Variants in EOGT observed in about 807,000 individuals in gnomAD.
EOGT encodes EGF domain-specific O-linked N-acetylglucosamine transferase.
A neutral mutation model predicts 70.5 loss-of-function variants in EOGT; 55 were observed. The observed-to-expected ratio is 0.78, with a 90% CI of 0.63 to 0.98. The LOEUF (loss-of-function observed/expected upper bound fraction) is 0.98, where lower values mean the gene tolerates loss of function less well. Ranked by LOEUF, EOGT falls within the 50% of genes least tolerant of loss-of-function variation. EOGT has a pLI of 0.00. For missense variants in EOGT, 703 were observed against 641.9 expected (o/e 1.10, Z -1.03); for synonymous variants, 246 against 217.1 (o/e 1.13, Z -1.17).
chr3:69,001,372 T>C (rs1253830221), intron 9 of EOGT, among the ~76,000 whole-genome samples: 2 of 152,216 alleles, frequency 1.3e-5, no homozygotes, highest in Non-Finnish European at 2.9e-5. Flanking sequence ...CTCTCGTCCT[T>C]TGATTTTGGT....
chr3:68,991,342 A>G (rs1444388987), intron 10 of EOGT, among the ~76,000 whole-genome samples: 1 of 152,214 alleles, frequency 6.6e-6, no homozygotes, highest in African/African-American at 2.4e-5. Flanking sequence ...TAGAAATTCC[A>G]ATTATAGGAA....
chr3:69,010,932 G>A (rs899220769), intron 3 of EOGT, among the ~76,000 whole-genome samples: 2 of 152,218 alleles, frequency 1.3e-5, no homozygotes, highest in African/African-American at 4.8e-5. Flanking sequence ...TTGCCCTTGT[G>A]AAGCTTACAT....
intron 9 of EOGT, among the ~76,000 whole-genome samples, chr3:69,000,951 C>A (rs944077328): frequency 6.6e-6 from 1 of 151,146 alleles, no homozygotes; most frequent in Non-Finnish European, 1.5e-5. Flanking sequence ...ATACACATGG[C>A]TTTTGATTTT....
intron 9 of EOGT, 135 bp downstream of exon 9, chr3:69,001,473 G>T: frequency 1.7e-6 from 1 of 578,932 alleles, no homozygotes; most frequent in Non-Finnish European, 3.0e-6. Context: ...TACTTCTTCA[G>T]AGAAGAAAGC....
chr3:68,978,290 C>A, intron 17 of EOGT, 43 bp downstream of exon 17: 1 of 1,423,818 alleles, frequency 7.0e-7, no homozygotes, highest in South Asian at 1.2e-5. Flanking sequence ...TACTTTAAAC[C>A]AATTAAAAAT....
chr3:68,989,097 A>G, intron 10 of EOGT, 80 bp from the exon 11 acceptor site: 1 of 767,928 alleles, frequency 1.3e-6, no homozygotes, highest in Non-Finnish European at 2.1e-6. Context: ...AAAATACCTG[A>G]ATTTGCCTGT....
chr3:69,003,190 C>A (rs1050418849), intron 8 of EOGT, among the ~76,000 whole-genome samples: 1 of 152,096 alleles, frequency 6.6e-6, no homozygotes, highest in African/African-American at 2.4e-5. Context: ...GTAAAACCTG[C>A]ACAAGTTAAT....
rs747072942 is a variant in EOGT at position 68,977,653 on chromosome 3, T to C, written c.1549A>G (p.Lys517Glu). 3 of 1,613,730 alleles carry C rather than the reference T, an allele frequency of 1.9e-6. No homozygotes were observed. Among genetic ancestry groups the C allele is most frequent in the South Asian group, 1.1e-5 (1 of 90,998 alleles). Residue 517 changes from lysine (K) to glutamate (E), a missense_variant, in exon 18 of 18, where the codon AAG becomes GAG. Coordinates refer to ENST00000383701, the MANE Select transcript of EOGT (RefSeq NM_001278689.2). ...QAADHVLQHP[K>E]WPFKKKHDEL ...TCATGTTTCTTCTTAAATGGCCACT[T>C]TGGGTGTTGCAATACGTGGTCTGCA... is the stretch of plus-strand genomic sequence containing the variant.
At chr3:69,005,256 A>T in intron 6 of EOGT, 22 bp from the exon 7 acceptor site, 10 of 1,388,416 alleles carry the variant, frequency 7.2e-6, no homozygotes, top group Non-Finnish European at 1.0e-5. Flanking sequence ...GCAAAAGAAA[A>T]GAATGACTCT....
intron 3 of EOGT, among the ~76,000 whole-genome samples, 194 bp from the exon 4 acceptor site, chr3:69,010,054 C>T (rs534043672): frequency 2.6e-5 from 4 of 152,090 alleles, no homozygotes; most frequent in South Asian, 2.1e-4. Context: ...CCAGGCACCA[C>T]GTTAGCAAAT....
intron 8 of EOGT, 52 bp downstream of exon 8, chr3:69,004,326 G>A (rs1236135144): frequency 4.6e-6 from 6 of 1,309,230 alleles, no homozygotes; most frequent in Non-Finnish European, 3.3e-6. Context: ...ATCTGCAAGT[G>A]CCGTAAATAA....
chr3:69,010,835 T>C (rs555013968), intron 3 of EOGT, among the ~76,000 whole-genome samples: 10 of 152,222 alleles, frequency 6.6e-5, no homozygotes, highest in African/African-American at 1.7e-4. Context: ...ATTATAATCA[T>C]AATCAAGGTA....
rs1455585869 is a variant in EOGT, at chr3:69,012,752, A to G, written c.-308T>C. ...GGCTACTTTTCCTTCAGCTCAAAGCAGCTGGAATCACTCCACTCCAGAAAC... is the reference window on the plus strand; with the variant it reads ...GGCTACTTTTCCTTCAGCTCAAAGCGGCTGGAATCACTCCACTCCAGAAAC... On this transcript the variant is annotated 5_prime_UTR_variant, in exon 2 of 18. Transcript: ENST00000383701. 1 of 152,274 alleles carries G rather than the reference A, an allele frequency of 6.6e-6. No homozygotes were observed. Among genetic ancestry groups the G allele is most frequent in the African/African-American group, 2.4e-5 (1 of 41,430 alleles). 9.4% of individuals were successfully genotyped at this position (152,274 alleles called of 1,614,324 possible).
chr3:68,982,687 G>C (rs977519947), intron 15 of EOGT, 124 bp downstream of exon 15: 8 of 536,254 alleles, frequency 1.5e-5, no homozygotes, highest in Non-Finnish European at 2.2e-5. Flanking sequence ...TTCATCTGTA[G>C]TGTCTACTTG....
intron 10 of EOGT, among the ~76,000 whole-genome samples, chr3:68,994,090 C>T (rs1185092393): frequency 6.6e-6 from 1 of 152,058 alleles, no homozygotes; most frequent in Non-Finnish European, 1.5e-5. Flanking sequence ...TAAAAATTAG[C>T]CAGATGTCAA....
Position 69,007,390 on chromosome 3 carries a change from C to A in EOGT, c.420+323G>T, listed in dbSNP as rs189213845. Among the ~76,000 whole-genome samples, 22 of 152,084 alleles carry A rather than the reference C, an allele frequency of 1.4e-4. No homozygotes were observed. In the East Asian group the frequency reaches 4.2e-3, roughly 29 times the overall value. ...TAGCTTAGTTGGGCACAGTGGCTCA[C>A]GCCTGTAATCCCAGCACTTTGGGAG... is the stretch of plus-strand genomic sequence containing the variant. On this transcript the variant is annotated intron_variant, in intron 6 of 17. Transcript: ENST00000383701.
intron 10 of EOGT, among the ~76,000 whole-genome samples, chr3:68,991,451 G>A (rs1245164982): frequency 6.6e-6 from 1 of 152,110 alleles, no homozygotes; most frequent in Non-Finnish European, 1.5e-5. Context: ...GCACAGAACT[G>A]GAAACAAAAC....
chr3:68,999,339 G>T (rs1485418340), intron 9 of EOGT, among the ~76,000 whole-genome samples: 1 of 152,130 alleles, frequency 6.6e-6, no homozygotes, highest in African/African-American at 2.4e-5. Flanking sequence ...TCATTAAAAA[G>T]AAACAGAATG....
At chr3:68,986,477 C>G (rs1559591970) in intron 14 of EOGT, among the ~76,000 whole-genome samples, 1 of 152,172 alleles carries the variant, frequency 6.6e-6, no homozygotes, top group Non-Finnish European at 1.5e-5. Context: ...TGCACCATGC[C>G]TGACCTCTTG....
Sources: allele counts gnomAD v4.1 joint callset (sites outside exome capture counted in the v4.1 genomes callset), GRCh38; gene constraint gnomAD v4.1.1; transcripts MANE v1.5; gene names NCBI Gene and HGNC (gene_info 2026-07-23, HGNC 2026-07-21).